SLC23A2: variants seen among roughly 807,000 people sequenced by gnomAD.
SLC23A2 encodes the protein solute carrier family 23 member 2.
A neutral mutation model predicts 73.3 loss-of-function variants in SLC23A2; 36 were observed. That is an observed-to-expected ratio of 0.49 (90% confidence interval 0.38 to 0.65). The LOEUF is 0.65. Ranked by LOEUF, SLC23A2 falls within the 30% of genes least tolerant of loss-of-function variation. The probability of loss-of-function intolerance (pLI) is 0.00; values close to 1 mark genes in which losing one functional copy is unlikely to be tolerated. For missense variants in SLC23A2, 507 were observed against 841.6 expected, an observed-to-expected ratio of 0.60 and a Z score of 4.92; for synonymous variants, 343 against 327.3, an observed-to-expected ratio of 1.05 and a Z score of -0.52.
intron 6 of SLC23A2, among the ~76,000 whole-genome samples, chr20:4,892,795 A>T (rs1028161821): frequency 1.3e-5 from 2 of 152,170 alleles, no homozygotes; most frequent in Non-Finnish European, 2.9e-5. Flanking sequence ...AATCTTTTTA[A>T]AAAGATGATG....
upstream of SLC23A2, among the ~76,000 whole-genome samples, chr20:5,004,693 A>AATAC (rs1415811645): frequency 6.6e-6 from 1 of 152,066 alleles, no homozygotes; most frequent in Non-Finnish European, 1.5e-5. Flanking sequence ...TAAATAAATA[A>AATAC]ATAAATTAAT....
At chr20:4,996,192 C>T (rs1453067485) in intron 1 of SLC23A2, among the ~76,000 whole-genome samples, 3 of 152,164 alleles carry the variant, frequency 2.0e-5, no homozygotes, top group Admixed American at 6.6e-5. Flanking sequence ...TCTAGGGTCC[C>T]TTCTATTGCT....
chr20:4,905,249 A>C (rs1931899969), intron 4 of SLC23A2, among the ~76,000 whole-genome samples: 1 of 152,180 alleles, frequency 6.6e-6, no homozygotes, highest in African/African-American at 2.4e-5. Flanking sequence ...CTCAGAAACA[A>C]AACTAGTGTA....
At chr20:4,981,053 A>G (rs928750950) in intron 1 of SLC23A2, among the ~76,000 whole-genome samples, 2 of 152,194 alleles carry the variant, frequency 1.3e-5, no homozygotes, top group Admixed American at 6.5e-5. Flanking sequence ...GACAGTTCCT[A>G]AAATAGCTGT....
At chr20:4,861,544 G>A (rs959782366) in intron 15 of SLC23A2, among the ~76,000 whole-genome samples, 8 of 152,144 alleles carry the variant, frequency 5.3e-5, no homozygotes, top group Middle Eastern at 3.2e-3. Flanking sequence ...CACAAGCCAC[G>A]TGATTTTGCT....
chr20:4,904,982 C>T (rs1002503363), intron 4 of SLC23A2, among the ~76,000 whole-genome samples: 26 of 151,914 alleles, frequency 1.7e-4, no homozygotes, highest in Admixed American at 7.9e-4. Flanking sequence ...GGCGTGGTGG[C>T]GTGCACCTGT....
At chr20:4,920,318 C>T (rs1715367) in intron 3 of SLC23A2, among the ~76,000 whole-genome samples, 71,894 of 152,058 alleles carry the variant, frequency 0.47, 17,190 homozygotes, top group East Asian at 0.65. Flanking sequence ...AGTCTGACCA[C>T]ATATTCTGCT....
intron 15 of SLC23A2, among the ~76,000 whole-genome samples, chr20:4,860,328 G>A (rs956687250): frequency 6.6e-6 from 1 of 152,208 alleles, no homozygotes; most frequent in Non-Finnish European, 1.5e-5. Context: ...ATAAGCTGAC[G>A]CTCTGCCTTG....
chr20:4,884,809 T>C lies in SLC23A2; in HGVS notation c.586A>G (p.Asn196Asp). The change falls in exon 8 of 17, where the codon AAT becomes GAT. Residue 196 changes from asparagine (N) to aspartate (D), a missense_variant. By Grantham distance (23) the Asn-to-Asp change is conservative. Around this residue, in one of 5 missense-constraint regions of SLC23A2, gnomAD observed 217 missense variants for 398.0 expected, o/e 0.55. Transcript: ENST00000338244. Reference sequence around the variant, plus strand: ...GTGTGCAACAGCTCTGCTGTTCCATTGGCAACTGAAACATCTTGAAAACAA... The same window carrying C: ...GTGTGCAACAGCTCTGCTGTTCCATCGGCAACTGAAACATCTTGAAAACAA... Reference protein sequence around the residue: ...KCNTTDVSVANGTAELLHTEH... With the variant: ...KCNTTDVSVADGTAELLHTEH... The C allele has an allele frequency of 6.4e-7, 1 of 1,563,092 alleles. No homozygotes were observed. The highest frequency in any genetic ancestry group is 2.3e-5 in the East Asian group (1 of 42,990).
At chr20:4,981,577 C>G (rs1021758878) in intron 1 of SLC23A2, among the ~76,000 whole-genome samples, 1 of 152,084 alleles carries the variant, frequency 6.6e-6, no homozygotes, top group Non-Finnish European at 1.5e-5. Flanking sequence ...GGTTGAGGAC[C>G]ACTGACATGA....
Position 4,876,897 on chromosome 20 carries a change from G to A in SLC23A2, c.825-2201C>T, listed in dbSNP as rs62200382. Reference sequence around the variant, plus strand: ...AACAGGTTATTATCTAAGCCAAACTGGAATCATGCTTTACGCAGCTTCCTG... The same window carrying A: ...AACAGGTTATTATCTAAGCCAAACTAGAATCATGCTTTACGCAGCTTCCTG... On this transcript the variant is annotated intron_variant, in intron 9 of 16. Coordinates refer to ENST00000338244, the MANE Select transcript of SLC23A2 (RefSeq NM_005116.6). Among the ~76,000 whole-genome samples, 522 of 152,140 alleles carry A rather than the reference G, an allele frequency of 3.4e-3. 4 individuals are homozygous for A. Among genetic ancestry groups the A allele is most frequent in the Non-Finnish European group, 5.6e-3 (378 of 68,022 alleles).
At chr20:4,983,921 A>C (rs1408631668) in intron 1 of SLC23A2, among the ~76,000 whole-genome samples, 1 of 151,688 alleles carries the variant, frequency 6.6e-6, no homozygotes, top group Non-Finnish European at 1.5e-5. Flanking sequence ...GCGCCATTGC[A>C]CTCCAGCCTG....
Position 4,902,492 on chromosome 20 carries a change from T to G in SLC23A2, c.274A>C (p.Thr92Pro). 1 of 1,613,178 alleles carries G rather than the reference T, an allele frequency of 6.2e-7. No individual in the cohort carries two copies. Among genetic ancestry groups the G allele is most frequent in the African/African-American group, 1.3e-5 (1 of 74,960 alleles). ...LDPQRSDMIYTIEDVPPWYLC... is the reference protein window; with the variant it reads ...LDPQRSDMIYPIEDVPPWYLC... Reference sequence around the variant, plus strand: ...TACCAGGGAGGAACATCTTCTATGGTATAAATCATGTCTGATCGCTGGGGG... The same window carrying G: ...TACCAGGGAGGAACATCTTCTATGGGATAAATCATGTCTGATCGCTGGGGG... The change falls in exon 5 of 17, where the codon ACC becomes CCC. Residue 92 changes from threonine (T) to proline (P), a missense_variant. Thr to Pro is a conservative substitution (Grantham distance 38). Around this residue, in one of 5 missense-constraint regions of SLC23A2, gnomAD observed 78 missense variants for 86.7 expected, o/e 0.90. Coordinates refer to ENST00000338244, the MANE Select transcript of SLC23A2 (RefSeq NM_005116.6). The surrounding 1 kb of genome is among the most constrained non-coding windows in gnomAD (Gnocchi z 4.0).
chr20:4,990,506 G>C (rs1194208065), intron 1 of SLC23A2, among the ~76,000 whole-genome samples: 1 of 151,650 alleles, frequency 6.6e-6, no homozygotes, highest in Non-Finnish European at 1.5e-5. Context: ...TGAGTGGCAG[G>C]GACTACAGGC....
At chr20:4,964,773 G>A (rs1395923499) in intron 2 of SLC23A2, among the ~76,000 whole-genome samples, 1 of 148,722 alleles carries the variant, frequency 6.7e-6, no homozygotes, top group African/African-American at 2.5e-5. Flanking sequence ...GGGAGGTAGA[G>A]TTGCAGTGAG....
intron 2 of SLC23A2, among the ~76,000 whole-genome samples, chr20:4,938,030 C>CTTT (rs372042944): frequency 7.2e-6 from 1 of 138,284 alleles, no homozygotes. Context: ...CTCATTCCAT[C>CTTT]TTTTTTTTTT....
rs1568598026 is a variant in SLC23A2 at position 4,856,900 on chromosome 20, T to C, written c.*72A>G. The C allele has an allele frequency of 2.2e-6, 2 of 921,830 alleles. No homozygotes were observed. The highest frequency in any genetic ancestry group is 3.5e-6 in the Non-Finnish European group (2 of 578,036). The allele number at this position is 921,830 out of a possible 1,614,324, so 57.1% of individuals were successfully genotyped here. A position where few individuals can be genotyped will look rare whatever the true frequency, so the allele number is the denominator to read the frequency against. On this transcript the variant is annotated 3_prime_UTR_variant, in exon 17 of 17. Coordinates refer to ENST00000338244, the MANE Select transcript of SLC23A2 (RefSeq NM_005116.6). The surrounding 1 kb of genome is among the most constrained non-coding windows in gnomAD (Gnocchi z 4.6). Reference sequence around the variant, plus strand: ...AATGTAGATATACAAACATGTATTTTACTTCTTGTTACTCAGCAAGGAACT... The same window carrying C: ...AATGTAGATATACAAACATGTATTTCACTTCTTGTTACTCAGCAAGGAACT...
chr20:5,008,179 G>A (rs890752383), intron 1 of SLC23A2, among the ~76,000 whole-genome samples: 73 of 152,214 alleles, frequency 4.8e-4, no homozygotes, highest in African/African-American at 1.7e-3. Context: ...CAAAGTGCTG[G>A]GATTACAGGT....
chr20:4,930,172 T>G (rs900219319), intron 3 of SLC23A2, among the ~76,000 whole-genome samples: 42 of 152,190 alleles, frequency 2.8e-4, no homozygotes, highest in Non-Finnish European at 6.2e-4. Context: ...GTTCAAGTTC[T>G]TGTCCCGAAA....
Sources: gnomAD v4.1 joint callset for allele counts (sites outside exome capture counted in the v4.1 genomes callset) on GRCh38, gnomAD v4.1.1 for gene constraint, gnomAD v4.1.1 regional missense constraint, Gnocchi (gnomAD v3.1) non-coding constraint, MANE v1.5 for transcripts, NCBI Gene and HGNC (gene_info 2026-07-23, HGNC 2026-07-21) for gene names.